Variants in GUCY1A1 observed in about 807,000 individuals in gnomAD.
GUCY1A1 encodes the protein guanylate cyclase soluble subunit alpha-1.
GUCY1A1 carries 48 observed loss-of-function variants against 64.5 expected under a neutral mutation model. The ratio of observed to expected loss-of-function variants is 0.74; its 90% CI spans 0.59 to 0.95. The LOEUF (loss-of-function observed/expected upper bound fraction) is 0.95, where lower values mean the gene tolerates loss of function less well. Among genes scored for constraint, GUCY1A1 ranks in the 40% least tolerant of loss-of-function variants. The pLI is 0.00. For synonymous variants in GUCY1A1, 308 were observed against 303.4 expected (o/e 1.02, Z -0.16); for missense variants, 804 against 825.3 (o/e 0.97, Z 0.32).
chr4:155,687,957 C>G (rs1483177853), intron 2 of GUCY1A1, among the ~76,000 whole-genome samples: 1 of 152,080 alleles, frequency 6.6e-6, no homozygotes, highest in Non-Finnish European at 1.5e-5. Context: ...GGTGCGGTGG[C>G]TCACATCTGT....
At chr4:155,726,167 AAT>A (rs1734642190) in intron 9 of GUCY1A1, among the ~76,000 whole-genome samples, 1 of 152,024 alleles carries the variant, frequency 6.6e-6, no homozygotes, top group African/African-American at 2.4e-5. Context: ...TGATTTCAAT[AAT>A]AGTTTACTTT....
intron 7 of GUCY1A1, among the ~76,000 whole-genome samples, chr4:155,715,412 A>C (rs1157698497): frequency 6.6e-6 from 1 of 151,792 alleles, no homozygotes; most frequent in East Asian, 1.9e-4. Context: ...CTGTGTGTTC[A>C]TTTACCCATT....
At chr4:155,686,082 G>C (rs1193625778) in intron 2 of GUCY1A1, among the ~76,000 whole-genome samples, 1 of 152,174 alleles carries the variant, frequency 6.6e-6, no homozygotes, top group East Asian at 1.9e-4. Flanking sequence ...TATCTTGTTT[G>C]CACAAATATC....
intron 5 of GUCY1A1, among the ~76,000 whole-genome samples, chr4:155,709,695 A>G (rs1393823224): frequency 6.6e-6 from 1 of 152,218 alleles, no homozygotes; most frequent in Admixed American, 6.5e-5. Flanking sequence ...TTAGGCAGGC[A>G]TGCTCGTGTG....
intron 2 of GUCY1A1, among the ~76,000 whole-genome samples, chr4:155,695,321 T>A (rs1730272680): frequency 6.6e-6 from 1 of 151,978 alleles, no homozygotes; most frequent in Admixed American, 6.6e-5. Context: ...TGGGAACATA[T>A]TAAGGGCATT....
intron 5 of GUCY1A1, among the ~76,000 whole-genome samples, chr4:155,708,773 A>G (rs1223742545): frequency 2.6e-5 from 4 of 152,132 alleles, no homozygotes; most frequent in African/African-American, 4.8e-5. Flanking sequence ...CATCTTTCTA[A>G]AAGTATAAGA....
intron 2 of GUCY1A1, among the ~76,000 whole-genome samples, chr4:155,681,489 C>T (rs921214200): frequency 1.3e-5 from 2 of 152,198 alleles, no homozygotes; most frequent in African/African-American, 4.8e-5. Context: ...TTTTCTTCCA[C>T]TTTCAGTCTA....
intron 2 of GUCY1A1, among the ~76,000 whole-genome samples, chr4:155,685,941 G>A (rs1177535119): frequency 6.6e-6 from 1 of 152,088 alleles, no homozygotes; most frequent in African/African-American, 2.4e-5. Context: ...TTCCCATCAA[G>A]GATGAATTGA....
In GUCY1A1 at chr4:155,736,930, G is replaced by C. The variant is rs767707928; in HGVS notation, c.*6699G>C. ...TTACTTTAAATGACATATTTATTTC[G>C]AGTTTTACTTCTGGCTGAGTTGCAA... On this transcript the variant is annotated 3_prime_UTR_variant, in exon 10 of 10. Coordinates refer to ENST00000506455, the MANE Select transcript of GUCY1A1 (RefSeq NM_001130682.3). The C allele has an allele frequency of 6.6e-6, 1 of 151,502 alleles. No homozygotes were observed. The highest frequency in any genetic ancestry group is 1.5e-5 in the Non-Finnish European group (1 of 67,844). The allele number at this position is 151,502 out of a possible 1,614,324, so 9.4% of individuals were successfully genotyped here.
At chr4:155,691,567 A>T (rs1310067657) in intron 2 of GUCY1A1, among the ~76,000 whole-genome samples, 1 of 152,122 alleles carries the variant, frequency 6.6e-6, no homozygotes, top group Non-Finnish European at 1.5e-5. Flanking sequence ...ATCCTTACTA[A>T]GGCAATTTGC....
chr4:155,684,833 G>T (rs564447649), intron 2 of GUCY1A1, among the ~76,000 whole-genome samples: 1 of 152,150 alleles, frequency 6.6e-6, no homozygotes, highest in African/African-American at 2.4e-5. Context: ...GAGTTCACTG[G>T]GACCCTGGAA....
rs766742630 is a variant in GUCY1A1, at chr4:155,730,090, A to G, written c.1932A>G (p.Pro644=). ...FTPRSREELP[P]NFPSEIPGIC... is the part of the protein sequence containing the mutation. ...CTCGATCAAGGGAGGAACTTCCACC[A>G]AACTTCCCTAGTGAAATCCCCGGAA... Residue 644 remains proline, a synonymous_variant, in exon 10 of 10, where the codon CCA becomes CCG. Transcript: ENST00000506455. 1.1e-4 allele frequency: 174 copies of G among 1,611,220 alleles called. 1 individual carries two copies. The East Asian group carries it at 3.9e-3, about 36-fold the overall frequency.
chr4:155,669,343 A>G (rs989734164), intron 2 of GUCY1A1, among the ~76,000 whole-genome samples: 1 of 152,104 alleles, frequency 6.6e-6, no homozygotes, highest in Non-Finnish European at 1.5e-5. Flanking sequence ...ATCAAAATAT[A>G]AAGTACTTAT....
chr4:155,670,549 G>A (rs1042184420), intron 2 of GUCY1A1, among the ~76,000 whole-genome samples: 7 of 151,950 alleles, frequency 4.6e-5, no homozygotes, highest in African/African-American at 1.5e-4. Flanking sequence ...CTATAGCCTC[G>A]AAGGCTTACA....
rs746127861 is a variant in GUCY1A1 at position 155,713,470 on chromosome 4, A to G, written c.1459A>G (p.Ile487Val). 8 of 1,614,154 alleles carry G rather than the reference A, an allele frequency of 5.0e-6. No homozygotes were observed. The highest frequency in any genetic ancestry group is 6.8e-6 in the Non-Finnish European group (8 of 1,180,008). ...FSNVTMLFSD[I>V]VGFTAICSQC... ...TAATGTCACCATGCTCTTCTCAGACATCGTTGGGTTCACTGCCATCTGCTC... is the reference window on the plus strand; with the variant it reads ...TAATGTCACCATGCTCTTCTCAGACGTCGTTGGGTTCACTGCCATCTGCTC... Residue 487 changes from isoleucine (I) to valine (V), a missense_variant, in exon 7 of 10, where the codon ATC becomes GTC. Ile to Val is a conservative substitution (Grantham distance 29). Coordinates refer to ENST00000506455, the MANE Select transcript of GUCY1A1 (RefSeq NM_001130682.3).
chr4:155,695,475 G>A (rs1290581958), intron 2 of GUCY1A1, among the ~76,000 whole-genome samples: 2 of 152,100 alleles, frequency 1.3e-5, no homozygotes, highest in Non-Finnish European at 2.9e-5. Context: ...ATATAAATTT[G>A]TAAACCATAT....
intron 2 of GUCY1A1, among the ~76,000 whole-genome samples, chr4:155,692,888 A>G (rs1286327740): frequency 4.6e-5 from 7 of 152,008 alleles, no homozygotes; most frequent in Non-Finnish European, 4.4e-5. Context: ...GCGAAACCCC[A>G]TCTCTACTAA....
At chr4:155,704,301 G>C (rs1419810211) in intron 4 of GUCY1A1, among the ~76,000 whole-genome samples, 1 of 152,162 alleles carries the variant, frequency 6.6e-6, no homozygotes, top group Non-Finnish European at 1.5e-5. Context: ...ATAAACTGCT[G>C]CTTTAACAAG....
At chr4:155,725,822 G>C (rs190055624) in intron 9 of GUCY1A1, among the ~76,000 whole-genome samples, 1 of 152,128 alleles carries the variant, frequency 6.6e-6, no homozygotes, top group Admixed American at 6.5e-5. Context: ...TAGATTCACT[G>C]TATTGGCAAT....
Sources: gnomAD v4.1 joint callset for allele counts (sites outside exome capture counted in the v4.1 genomes callset) on GRCh38, gnomAD v4.1.1 for gene constraint, MANE v1.5 for transcripts, NCBI Gene and HGNC (gene_info 2026-07-23, HGNC 2026-07-21) for gene names.